The following STAU1 variants were observed in gnomAD, a reference collection of about 807,000 sequenced individuals.
STAU1 encodes double-stranded RNA-binding protein Staufen homolog 1.
In STAU1, 13 loss-of-function variants were observed where a neutral mutation model predicts 62.9. The ratio of observed to expected loss-of-function variants is 0.21; its 90% CI spans 0.13 to 0.33. The LOEUF (loss-of-function observed/expected upper bound fraction) is 0.33, where lower values mean the gene tolerates loss of function less well. STAU1 is among the 10% of genes least tolerant of loss of function. The pLI is 1.00. For synonymous variants in STAU1, 269 were observed against 265.1 expected, an observed-to-expected ratio of 1.01 and a Z score of -0.14; for missense variants, 571 against 712.1, an observed-to-expected ratio of 0.80 and a Z score of 2.25.
rs999177805 is a variant in STAU1, at chr20:49,151,724, G to A, written c.368C>T (p.Pro123Leu). The A allele has an allele frequency of 6.2e-7, 1 of 1,609,366 alleles. No individual in the cohort carries two copies. The highest frequency in any genetic ancestry group is 8.5e-7 in the Non-Finnish European group (1 of 1,178,564). ...AAGTTCCACTTGATAAAGTAAAGGT[G>A]GAACTGGAAATGGGTAAAAGTACCT... is the stretch of plus-strand genomic sequence containing the variant. The part of the protein sequence containing the change: ...PPRYFYPFPV[P>L]PLLYQVELSV... Residue 123 changes from proline to leucine, a missense_variant, in exon 5 of 14, where the codon CCA becomes CTA. Around this residue, in one of 3 missense-constraint regions of STAU1, gnomAD observed 414 missense variants for 499.6 expected, o/e 0.83. Coordinates refer to ENST00000371856, the MANE Select transcript of STAU1 (RefSeq NM_017453.4).
chr20:49,199,559 A>C, the STAU1 span, among the ~76,000 whole-genome samples: 2 of 149,414 alleles, frequency 1.3e-5, no homozygotes, highest in African/African-American at 2.5e-5. Flanking sequence ...TTTTATTTTT[A>C]TTTTATTTTT....
At chr20:49,200,607 A>AAAAC in the STAU1 span, among the ~76,000 whole-genome samples, 2 of 151,856 alleles carry the variant, frequency 1.3e-5, no homozygotes, top group Non-Finnish European at 1.5e-5. Context: ...TCTCAAAAAA[A>AAAAC]AAACAAACAA....
chr20:49,197,880 T>A, the STAU1 span, among the ~76,000 whole-genome samples: 61 of 152,032 alleles, frequency 4.0e-4, 1 homozygote, highest in East Asian at 1.9e-3. Context: ...TCATTTTTTT[T>A]AATTCTTATT....
At chr20:49,173,520 G>C (rs2093623619) in intron 2 of STAU1, among the ~76,000 whole-genome samples, 1 of 152,166 alleles carries the variant, frequency 6.6e-6, no homozygotes, top group Non-Finnish European at 1.5e-5. Context: ...ACTGAGCTTT[G>C]TACAACTTCA....
At chr20:49,193,165 T>G (rs1179015095), upstream of STAU1, among the ~76,000 whole-genome samples, 1 of 151,480 alleles carries the variant, frequency 6.6e-6, no homozygotes, top group Non-Finnish European at 1.5e-5. Flanking sequence ...TCACTTGAGG[T>G]CAGGAGTTTG....
chr20:49,218,460 C>A, the STAU1 span, among the ~76,000 whole-genome samples: 1 of 149,210 alleles, frequency 6.7e-6, no homozygotes, highest in Non-Finnish European at 1.5e-5. Context: ...CTCCTGACCT[C>A]GTGATCCGCC....
At chr20:49,125,172 G>A (rs1243153485) in intron 6 of STAU1, among the ~76,000 whole-genome samples, 7 of 67,244 alleles carry the variant, frequency 1.0e-4, no homozygotes, top group Admixed American at 7.0e-4. Flanking sequence ...TATATAAACA[G>A]ACACACATTT....
In STAU1 at chr20:49,153,949, C is replaced by T. The variant is rs2093312543; in HGVS notation, c.328G>A (p.Gly110Ser). Residue 110 changes from glycine (G) to serine (S), a missense_variant, in exon 4 of 14, where the codon GGT (glycine) becomes AGT (serine). Gly to Ser is a moderately conservative substitution (Grantham distance 56). Coordinates refer to ENST00000371856, the MANE Select transcript of STAU1 (RefSeq NM_017453.4). ...AACACATACCTCGGGGGATAAGCAC[C>T]TCCTCTCATGTTGTAGTTATAGGTG... The part of the protein sequence containing the change: ...QSTYNYNMRG[G>S]AYPPRYFYPF... 4 of 1,591,492 alleles carry T rather than the reference C, an allele frequency of 2.5e-6. No individual in the cohort carries two copies. The African/African-American group carries it at 5.5e-5, about 22-fold the overall frequency.
Position 49,118,418 on chromosome 20 carries a change from G to GA in STAU1, c.1114-11dup. The GA allele has an allele frequency of 6.4e-7, 1 of 1,565,868 alleles. No homozygotes were observed. The highest frequency in any genetic ancestry group is 1.9e-5 in the Admixed American group (1 of 53,690). On this transcript the variant is annotated splice_polypyrimidine_tract_variant and intron_variant, in intron 9 of 13. Coordinates refer to ENST00000371856, the MANE Select transcript of STAU1 (RefSeq NM_017453.4). ...GTTTCTTTATGGGTGTCTTAAAAAA[G>GA]AAGAAGAAAAAAAAAAGGCCATGAG...
the STAU1 span, among the ~76,000 whole-genome samples, chr20:49,195,978 C>T: frequency 6.8e-6 from 1 of 147,154 alleles, no homozygotes. Context: ...CTGGCTCATG[C>T]CTGTAATCCT....
At chr20:49,138,329 A>G (rs2092934552) in intron 5 of STAU1, among the ~76,000 whole-genome samples, 1 of 152,118 alleles carries the variant, frequency 6.6e-6, no homozygotes. Flanking sequence ...TCTAGGTTAA[A>G]AAAATATATA....
the STAU1 span, among the ~76,000 whole-genome samples, chr20:49,195,535 C>CAAAAA: frequency 2.9e-3 from 111 of 38,138 alleles, 21 homozygotes; most frequent in East Asian, 0.018. Context: ...GACTCCGTCT[C>CAAAAA]AAAAAAAAAA....
the STAU1 span, among the ~76,000 whole-genome samples, chr20:49,199,051 C>T: frequency 2.3e-4 from 34 of 150,772 alleles, no homozygotes; most frequent in African/African-American, 7.5e-4. Context: ...GAGGCTGAGG[C>T]AGGAGAATCA....
chr20:49,153,016 C>A (rs939750299), intron 4 of STAU1, among the ~76,000 whole-genome samples: 2 of 150,282 alleles, frequency 1.3e-5, no homozygotes, highest in African/African-American at 2.5e-5. Context: ...TTTGGGAGGC[C>A]GAGGTGGGCG....
intron 3 of STAU1, chr20:49,159,163 A>C: frequency 9.7e-7 from 1 of 1,032,674 alleles, no homozygotes; most frequent in South Asian, 2.6e-5. Context: ...AAAAAAAAAC[A>C]CACAAAGTTA....
At chr20:49,126,727 A>G (rs187271426) in intron 6 of STAU1, among the ~76,000 whole-genome samples, 1 of 152,238 alleles carries the variant, frequency 6.6e-6, no homozygotes, top group Admixed American at 6.5e-5. Context: ...GTGTAAGGAT[A>G]AATAGATCAA....
rs1365502089 is a variant in STAU1, at chr20:49,117,545, T to TA, written c.1509+231dup. Reference sequence around the variant, plus strand: ...ACCACTGCTAGTGGTTAGAAGCTTTTAGGGTTGGCTTGCATGTTGAAATCT... The same window carrying TA: ...ACCACTGCTAGTGGTTAGAAGCTTTTAAGGGTTGGCTTGCATGTTGAAATCT... On this transcript the variant is annotated intron_variant, in intron 11 of 13. Coordinates refer to ENST00000371856, the MANE Select transcript of STAU1 (RefSeq NM_017453.4). This position sits in a 1 kb window ranked among gnomAD's most constrained non-coding sequence, Gnocchi z 4.6. Among the ~76,000 whole-genome samples, 21 of 152,206 alleles carry TA rather than the reference T, an allele frequency of 1.4e-4. No individual in the cohort carries two copies. Among genetic ancestry groups the TA allele is most frequent in the African/African-American group, 4.6e-4 (19 of 41,456 alleles).
At chr20:49,145,164 G>A (rs948233476) in intron 5 of STAU1, among the ~76,000 whole-genome samples, 2 of 152,172 alleles carry the variant, frequency 1.3e-5, no homozygotes, top group Non-Finnish European at 2.9e-5. Context: ...GGTGGCTCAC[G>A]CCTGTAATCC....
the STAU1 span, among the ~76,000 whole-genome samples, chr20:49,206,761 ATTTTT>A: frequency 7.9e-5 from 8 of 101,734 alleles, no homozygotes; most frequent in Non-Finnish European, 1.2e-4. Context: ...ATTTTATTTT[ATTTTT>A]TTTTTTTTGA....
Sources: allele counts gnomAD v4.1 joint callset (sites outside exome capture counted in the v4.1 genomes callset), GRCh38; gene constraint gnomAD v4.1.1; regional missense constraint gnomAD v4.1.1; non-coding constraint Gnocchi (gnomAD v3.1); transcripts MANE v1.5; gene names NCBI Gene and HGNC (gene_info 2026-07-23, HGNC 2026-07-21).